The following TBXAS1 variants were observed in gnomAD, a reference collection of about 807,000 sequenced individuals.
TBXAS1 encodes thromboxane A synthase 1.
In TBXAS1, 48 loss-of-function variants were observed where a neutral mutation model predicts 60.7. The observed-to-expected ratio is 0.79, with a 90% confidence interval of 0.63 to 1.01. TBXAS1 has a LOEUF of 1.01. Among genes scored for constraint, TBXAS1 ranks in the 50% least tolerant of loss-of-function variants. The pLI, the probability that TBXAS1 is intolerant of heterozygous loss-of-function variation, is 0.00. For missense variants in TBXAS1, 685 were observed against 686.3 expected (o/e 1.00, Z 0.02); for synonymous variants, 287 against 269.7 (o/e 1.06, Z -0.63).
chr7:140,007,484 C>T (rs1202150163), intron 10 of TBXAS1, among the ~76,000 whole-genome samples: 2 of 152,228 alleles, frequency 1.3e-5, no homozygotes, highest in African/African-American at 4.8e-5. Flanking sequence ...CCTGTTCGTT[C>T]ATTCATTCAT....
At chr7:139,839,076 C>A (rs1296698188) in intron 1 of TBXAS1, among the ~76,000 whole-genome samples, 11 of 152,144 alleles carry the variant, frequency 7.2e-5, no homozygotes, top group Non-Finnish European at 1.6e-4. Context: ...TAAGGACTGG[C>A]AGCTGGGTTC....
chr7:139,988,346 C>A (rs1198541951), intron 9 of TBXAS1, among the ~76,000 whole-genome samples: 1 of 152,250 alleles, frequency 6.6e-6, no homozygotes, highest in South Asian at 2.1e-4. Context: ...GGCCCAGATG[C>A]AGTGGCCCTT....
intron 4 of TBXAS1, among the ~76,000 whole-genome samples, chr7:139,917,947 T>C (rs562199845): frequency 2.0e-5 from 3 of 152,360 alleles, no homozygotes; most frequent in African/African-American, 7.2e-5. Context: ...AGGAGATTAA[T>C]ATCTACAATT....
At chr7:139,971,466 C>T (rs944854611) in intron 9 of TBXAS1, among the ~76,000 whole-genome samples, 2 of 152,226 alleles carry the variant, frequency 1.3e-5, no homozygotes, top group Non-Finnish European at 2.9e-5. Flanking sequence ...CTTAACTGTC[C>T]ATTTCATTGT....
chr7:139,912,370 T>G (rs1308351550), intron 4 of TBXAS1, among the ~76,000 whole-genome samples: 2 of 152,236 alleles, frequency 1.3e-5, no homozygotes, highest in Admixed American at 6.5e-5. Flanking sequence ...TTACGTTGAT[T>G]CTTGGAAAAA....
chr7:139,994,577 C>T lies in TBXAS1; in HGVS notation c.1135-12514C>T, dbSNP rs565671170. On this transcript the variant is annotated intron_variant, in intron 9 of 12. Transcript: ENST00000448866. Reference sequence around the variant, plus strand: ...TATATCCTGGACTGTGAAAATGGACCGAGTGGGCAATAGGGAATTCAGGAT... The same window carrying T: ...TATATCCTGGACTGTGAAAATGGACTGAGTGGGCAATAGGGAATTCAGGAT... Among the ~76,000 whole-genome samples, 16 of 151,252 alleles carry T rather than the reference C, an allele frequency of 1.1e-4. No individual in the cohort carries two copies. The South Asian group carries it at 2.7e-3, about 26-fold the overall frequency.
rs1813528381 is a variant in TBXAS1, at chr7:139,999,606, G to A, written c.1135-7485G>A. 2.0e-5 allele frequency among the ~76,000 whole-genome samples: 3 copies of A among 152,176 alleles called. No homozygotes were observed. The highest frequency in any genetic ancestry group is 6.5e-5 in the Admixed American group (1 of 15,280). On this transcript the variant is annotated intron_variant, in intron 9 of 12. Transcript: ENST00000448866. This position sits in a 1 kb window ranked among gnomAD's most constrained non-coding sequence, Gnocchi z 4.3. The stretch of plus-strand genomic sequence containing the variant: ...AAGCGAAGGTCACCCCATTTTCCAC[G>A]GCTTGGTTTCATATTATAGTCCCAC...
At chr7:139,907,992 T>C (rs1226708384) in intron 3 of TBXAS1, among the ~76,000 whole-genome samples, 1 of 152,048 alleles carries the variant, frequency 6.6e-6, no homozygotes, top group Non-Finnish European at 1.5e-5. Flanking sequence ...CTGCAGTGTT[T>C]GTAGTGATAT....
At chr7:139,881,460 C>CCCG (rs1802692486) in intron 3 of TBXAS1, among the ~76,000 whole-genome samples, 12 of 152,046 alleles carry the variant, frequency 7.9e-5, no homozygotes, top group African/African-American at 2.2e-4. Context: ...CTTTTTCCCC[C>CCCG]CCTCCAGGAG....
rs1175687176 is a variant in TBXAS1, at chr7:140,017,712, A to G, written c.1406A>G (p.Tyr469Cys). The change falls in exon 12 of 13, where the codon TAC becomes TGC. Residue 469 changes from tyrosine (Y) to cysteine (C), a missense_variant. By Grantham distance (194) the Tyr-to-Cys change is radical. Transcript: ENST00000448866. ...CGGCAGCAGCACCGGCCCTTCACGT[A>G]CCTGCCCTTCGGGGCCGGCCCACGG... Reference protein sequence around the residue: ...EARQQHRPFTYLPFGAGPRSC... With the variant: ...EARQQHRPFTCLPFGAGPRSC... The G allele has an allele frequency of 6.2e-6, 10 of 1,613,898 alleles. No homozygotes were observed. The South Asian group carries it at 9.9e-5, about 16-fold the overall frequency.
At chr7:139,922,881 T>C (rs1364515099) in intron 4 of TBXAS1, among the ~76,000 whole-genome samples, 1 of 152,184 alleles carries the variant, frequency 6.6e-6, no homozygotes, top group Non-Finnish European at 1.5e-5. Context: ...AGACCACCCA[T>C]TCCCCCTTGA....
At chr7:140,018,722 A>G (rs1815298672) in intron 12 of TBXAS1, among the ~76,000 whole-genome samples, 1 of 152,224 alleles carries the variant, frequency 6.6e-6, no homozygotes, top group Non-Finnish European at 1.5e-5. Context: ...AACTTGCCTA[A>G]GGCCACACAG....
intron 4 of TBXAS1, among the ~76,000 whole-genome samples, chr7:139,808,168 C>CA (rs753070484): frequency 0.019 from 2,600 of 137,152 alleles, 44 homozygotes; most frequent in African/African-American, 0.061. Flanking sequence ...CCCATCTCTA[C>CA]AAAAAAAAAA....
intron 4 of TBXAS1, among the ~76,000 whole-genome samples, chr7:139,812,841 G>C (rs1238823261): frequency 1.3e-5 from 2 of 152,120 alleles, no homozygotes; most frequent in African/African-American, 4.8e-5. Context: ...TGTATCACTT[G>C]AGGTCAGGAG....
chr7:139,818,662 C>T (rs1056800238), intron 4 of TBXAS1, among the ~76,000 whole-genome samples: 4 of 152,166 alleles, frequency 2.6e-5, no homozygotes, highest in South Asian at 2.1e-4. Context: ...GTGCCTGGGT[C>T]GCAGTGCCCC....
chr7:139,842,820 T>C (rs1024624088), intron 1 of TBXAS1, among the ~76,000 whole-genome samples: 5 of 152,210 alleles, frequency 3.3e-5, no homozygotes, highest in Non-Finnish European at 7.3e-5. Context: ...AAGGTGTGCT[T>C]CTTAGGTTTC....
intron 5 of TBXAS1, among the ~76,000 whole-genome samples, chr7:139,952,930 T>C (rs1365729787): frequency 6.6e-6 from 1 of 152,234 alleles, no homozygotes; most frequent in African/African-American, 2.4e-5. Flanking sequence ...TTCAATATTC[T>C]AGTGAAAGAT....
chr7:139,922,982 A>G (rs4726456), intron 4 of TBXAS1, among the ~76,000 whole-genome samples: 2,252 of 152,270 alleles, frequency 0.015, 30 homozygotes, highest in Middle Eastern at 0.048. Flanking sequence ...TTATCCTTGC[A>G]CCAATATCAC....
intron 3 of TBXAS1, among the ~76,000 whole-genome samples, chr7:139,888,369 C>T (rs1803280183): frequency 6.6e-6 from 1 of 152,170 alleles, no homozygotes; most frequent in African/African-American, 2.4e-5. Context: ...CTGACTTCTG[C>T]TTCCTTGTTC....
Sources: gnomAD v4.1 joint callset for allele counts (sites outside exome capture counted in the v4.1 genomes callset) on GRCh38, gnomAD v4.1.1 for gene constraint, Gnocchi (gnomAD v3.1) non-coding constraint, MANE v1.5 for transcripts, NCBI Gene and HGNC (gene_info 2026-07-23, HGNC 2026-07-21) for gene names.